GABRB1: variants seen among roughly 807,000 people sequenced by gnomAD.
GABRB1 encodes the protein gamma-aminobutyric acid type A receptor subunit beta1, also known as gamma-aminobutyric acid receptor subunit beta-1.
GABRB1 carries 17 observed loss-of-function variants against 51.6 expected under a neutral mutation model. The observed-to-expected ratio is 0.33, with a 90% CI of 0.23 to 0.49. The LOEUF (loss-of-function observed/expected upper bound fraction) is 0.49. Among genes scored for constraint, GABRB1 ranks in the 20% least tolerant of loss-of-function variants. The pLI is 0.99. For synonymous variants in GABRB1, 247 were observed against 218.9 expected (o/e 1.13, Z -1.14); for missense variants, 410 against 600.6 (o/e 0.68, Z 3.32).
intron 3 of GABRB1, among the ~76,000 whole-genome samples, chr4:47,078,500 C>T (rs151267735): frequency 2.6e-5 from 4 of 152,268 alleles, no homozygotes; most frequent in Non-Finnish European, 4.4e-5. Flanking sequence ...AACATCATCC[C>T]TAAGCAAGGT....
At chr4:47,193,155 T>G (rs763633197) in intron 4 of GABRB1, among the ~76,000 whole-genome samples, 1 of 152,204 alleles carries the variant, frequency 6.6e-6, no homozygotes, top group African/African-American at 2.4e-5. Context: ...TGTTTCTATT[T>G]TGTTCTGTTA....
At chr4:47,164,736 G>A (rs933179314) in intron 4 of GABRB1, among the ~76,000 whole-genome samples, 2 of 152,088 alleles carry the variant, frequency 1.3e-5, no homozygotes, top group Non-Finnish European at 2.9e-5. Context: ...AGAGTCAGTT[G>A]TCTATTTTTG....
intron 4 of GABRB1, among the ~76,000 whole-genome samples, chr4:47,175,080 C>T (rs1718619444): frequency 6.8e-6 from 1 of 147,114 alleles, no homozygotes; most frequent in South Asian, 2.3e-4. Context: ...TCCTTTCCTC[C>T]CTCCCTTGTT....
intron 8 of GABRB1, among the ~76,000 whole-genome samples, chr4:47,420,083 A>C (rs1578159763): frequency 6.6e-6 from 1 of 152,214 alleles, no homozygotes; most frequent in Non-Finnish European, 1.5e-5. Context: ...CATTCCTTCT[A>C]ATCAGAAACA....
chr4:47,411,285 TATATACAC>T (rs1728752860), intron 8 of GABRB1, among the ~76,000 whole-genome samples: 1 of 152,180 alleles, frequency 6.6e-6, no homozygotes, highest in Admixed American at 6.5e-5. Context: ...CAAACTGTGG[TATATACAC>T]ACTATGGAGT....
Position 47,403,471 on chromosome 4 carries a change from C to T in GABRB1, c.682+16C>T, listed in dbSNP as rs755225485. On this transcript the variant is annotated intron_variant, in intron 6 of 8. Coordinates refer to ENST00000295454, the MANE Select transcript of GABRB1 (RefSeq NM_000812.4). ...TTCACAACAGGTGAGGTTGTTTCCC[C>T]CAAAATGTACTAGGGGTGCTGTGAA... 1 of 1,613,640 alleles carries T rather than the reference C, an allele frequency of 6.2e-7. No individual in the cohort carries two copies. Among genetic ancestry groups the T allele is most frequent in the Non-Finnish European group, 8.5e-7 (1 of 1,179,778 alleles).
At chr4:47,066,579 A>C (rs1338460013) in intron 3 of GABRB1, among the ~76,000 whole-genome samples, 1 of 152,174 alleles carries the variant, frequency 6.6e-6, no homozygotes, top group Non-Finnish European at 1.5e-5. Context: ...ATTTGGCATA[A>C]ATTCCATCTA....
intron 3 of GABRB1, among the ~76,000 whole-genome samples, chr4:47,127,241 A>C (rs7680746): frequency 1.3e-5 from 2 of 151,638 alleles, no homozygotes; most frequent in African/African-American, 4.8e-5. Flanking sequence ...CATAGGAATA[A>C]TATCAACATG....
intron 7 of GABRB1, among the ~76,000 whole-genome samples, chr4:47,405,758 CA>C (rs1728547208): frequency 6.6e-6 from 1 of 152,090 alleles, no homozygotes; most frequent in Admixed American, 6.6e-5. Context: ...TATTGCAGAA[CA>C]AATATCTACA....
At chr4:47,403,768 C>G in intron 7 of GABRB1, 57 bp downstream of exon 7, 1 of 1,555,150 alleles carries the variant, frequency 6.4e-7, no homozygotes, top group Non-Finnish European at 8.7e-7. Context: ...AACAAATAAC[C>G]AATATCAGGA....
In GABRB1 at chr4:47,008,852, CCTT is replaced by C. The variant is rs1382895614; in HGVS notation, c.-20+14927_-20+14929del. Among the ~76,000 whole-genome samples the C allele has an allele frequency of 3.7e-3, 208 of 56,462 alleles. 86 individuals carry two copies. The highest frequency in any genetic ancestry group is 0.01 in the African/African-American group (130 of 12,884). 37.0% of individuals were successfully genotyped at this position (56,462 alleles called of 152,430 possible). On this transcript the variant is annotated intron_variant, in intron 1 of 3. Coordinates refer to the GABRB1 transcript ENST00000513567. ...CACCCTGTCACGCTATCAGATACTA[CCTT>C]TTTTTTTTTTTTTTTTTTTTTTTTT...
chr4:47,086,337 TA>T (rs1466848850), intron 3 of GABRB1, among the ~76,000 whole-genome samples: 3 of 152,216 alleles, frequency 2.0e-5, no homozygotes, highest in Non-Finnish European at 4.4e-5. Context: ...AAGAGTTTTT[TA>T]TTTTCCTTCA....
chr4:47,219,736 T>A (rs1560590660), intron 4 of GABRB1, among the ~76,000 whole-genome samples: 1 of 151,936 alleles, frequency 6.6e-6, no homozygotes, highest in Non-Finnish European at 1.5e-5. Context: ...ATATGTGGAA[T>A]TACCTTATTT....
At chr4:47,126,353 G>C (rs1716142579) in intron 3 of GABRB1, among the ~76,000 whole-genome samples, 1 of 152,126 alleles carries the variant, frequency 6.6e-6, no homozygotes, top group Admixed American at 6.5e-5. Context: ...ATAACATGGT[G>C]ACTATAGTTA....
chr4:47,191,809 T>A (rs1022535395), intron 4 of GABRB1, among the ~76,000 whole-genome samples: 1 of 151,970 alleles, frequency 6.6e-6, no homozygotes, highest in Non-Finnish European at 1.5e-5. Context: ...CCAGCAACAT[T>A]AGCTAAACTG....
At chr4:47,246,774 C>G (rs887837979) in intron 4 of GABRB1, among the ~76,000 whole-genome samples, 1 of 151,830 alleles carries the variant, frequency 6.6e-6, no homozygotes, top group Non-Finnish European at 1.5e-5. Flanking sequence ...TTTCTCTGAT[C>G]ATTAGTGACA....
chr4:47,089,512 A>ATC (rs148304420), intron 3 of GABRB1, among the ~76,000 whole-genome samples: 1 of 151,924 alleles, frequency 6.6e-6, no homozygotes, highest in Non-Finnish European at 1.5e-5. Flanking sequence ...ACGAGAGCAC[A>ATC]TCTCTCTCTC....
chr4:47,400,709 C>A (rs1728347676), intron 5 of GABRB1, among the ~76,000 whole-genome samples: 1 of 151,828 alleles, frequency 6.6e-6, no homozygotes, highest in African/African-American at 2.4e-5. Flanking sequence ...ATTTTTTTAT[C>A]CCTTACCCTC....
intron 5 of GABRB1, among the ~76,000 whole-genome samples, chr4:47,356,988 A>C (rs1045196127): frequency 6.6e-6 from 1 of 152,156 alleles, no homozygotes; most frequent in Non-Finnish European, 1.5e-5. Context: ...TCAAATGGAG[A>C]GGCTGAGACC....
Sources: allele counts gnomAD v4.1 joint callset (sites outside exome capture counted in the v4.1 genomes callset), GRCh38; gene constraint gnomAD v4.1.1; transcripts MANE v1.5; gene names NCBI Gene and HGNC (gene_info 2026-07-23, HGNC 2026-07-21).